The following MTUS2 variants were observed in gnomAD, a reference collection of about 807,000 sequenced individuals.
MTUS2 encodes microtubule associated scaffold protein 2.
MTUS2 carries 40 observed loss-of-function variants against 114.1 expected under a neutral mutation model. The observed-to-expected ratio is 0.35, with a 90% CI of 0.27 to 0.46. The LOEUF (loss-of-function observed/expected upper bound fraction) is 0.46. Ranked by LOEUF, MTUS2 falls within the 20% of genes least tolerant of loss-of-function variation. The pLI is 1.00. For synonymous variants in MTUS2, 688 were observed against 672.0 expected, an observed-to-expected ratio of 1.02 and a Z score of -0.37; for missense variants, 1,679 against 1,705.4, an observed-to-expected ratio of 0.98 and a Z score of 0.27.
intron 1 of MTUS2, among the ~76,000 whole-genome samples, chr13:28,824,967 A>G (rs149336270): frequency 1.9e-4 from 29 of 152,336 alleles, no homozygotes; most frequent in Middle Eastern, 6.8e-3. Context: ...GCAGAGCCCT[A>G]AAGGAGATGG....
intron 1 of MTUS2, among the ~76,000 whole-genome samples, chr13:28,830,911 T>A (rs1874626912): frequency 6.6e-6 from 1 of 152,198 alleles, no homozygotes; most frequent in South Asian, 2.1e-4. Flanking sequence ...TCAAGAATTC[T>A]ATATCCAGCA....
rs150428774 is a variant in MTUS2, at chr13:29,164,147, T to C, written c.2644+63177T>C. On this transcript the variant is annotated intron_variant, in intron 5 of 15. Coordinates refer to ENST00000612955, the MANE Select transcript of MTUS2 (RefSeq NM_001033602.4). ...CATAAAACCTACCCAAACCTGCTTA[T>C]GGGCAGTTAGGCTAGATGACTAGAA... 8.4e-4 allele frequency among the ~76,000 whole-genome samples: 128 copies of C among 152,298 alleles called. 1 individual carries two copies. The highest frequency in any genetic ancestry group is 3.0e-3 in the African/African-American group (125 of 41,566).
intron 5 of MTUS2, among the ~76,000 whole-genome samples, chr13:29,114,329 T>A (rs1245481980): frequency 6.6e-6 from 1 of 152,132 alleles, no homozygotes; most frequent in African/African-American, 2.4e-5. Context: ...GCTGTCTTTA[T>A]CCCCACTTGT....
At chr13:29,105,303 C>CT (rs998186692) in intron 5 of MTUS2, among the ~76,000 whole-genome samples, 6 of 152,224 alleles carry the variant, frequency 3.9e-5, no homozygotes, top group African/African-American at 1.2e-4. Flanking sequence ...AAGTCAAAAT[C>CT]TTTAGGAACA....
chr13:28,908,495 T>C lies in MTUS2; in HGVS notation c.-243+68645T>C, dbSNP rs572450750. ...CTCATCATTTTTTATGGCTGCATAG[T>C]ATTCCATGGTGTATATGTGCCACAT... On this transcript the variant is annotated intron_variant, in intron 2 of 15. Transcript: ENST00000612955. 3.8e-4 allele frequency among the ~76,000 whole-genome samples: 57 copies of C among 151,706 alleles called. 1 individual carries two copies. The highest frequency in any genetic ancestry group is 1.1e-3 in the African/African-American group (44 of 41,158).
intron 1 of MTUS2, among the ~76,000 whole-genome samples, chr13:28,825,045 G>A (rs958673146): frequency 8.5e-5 from 13 of 152,130 alleles, no homozygotes; most frequent in African/African-American, 1.4e-4. Flanking sequence ...GCTGCAGGCC[G>A]CAGTGGGGGA....
At chr13:29,209,425 A>G (rs1295772526) in intron 5 of MTUS2, among the ~76,000 whole-genome samples, 3 of 150,678 alleles carry the variant, frequency 2.0e-5, no homozygotes, top group Non-Finnish European at 4.4e-5. Context: ...TTTACATTCA[A>G]TGTCAGTGTT....
At chr13:29,040,401 C>A (rs1259941257) in intron 4 of MTUS2, among the ~76,000 whole-genome samples, 1 of 152,128 alleles carries the variant, frequency 6.6e-6, no homozygotes, top group Non-Finnish European at 1.5e-5. Context: ...CATATTTTTG[C>A]AATTGCGAAT....
intron 4 of MTUS2, among the ~76,000 whole-genome samples, chr13:29,049,250 T>C (rs1250915738): frequency 6.6e-6 from 1 of 152,244 alleles, no homozygotes; most frequent in African/African-American, 2.4e-5. Context: ...TCCTTTTGTT[T>C]GCTTGCTATT....
At chr13:28,982,629 C>T (rs1884410986) in intron 2 of MTUS2, among the ~76,000 whole-genome samples, 2 of 152,334 alleles carry the variant, frequency 1.3e-5, no homozygotes, top group South Asian at 4.1e-4. Context: ...TAACTGCCCA[C>T]TGACACTTGG....
chr13:29,116,263 A>G (rs893289024), intron 5 of MTUS2, among the ~76,000 whole-genome samples: 2 of 152,212 alleles, frequency 1.3e-5, no homozygotes, highest in Non-Finnish European at 2.9e-5. Flanking sequence ...TGTATTTACT[A>G]TGTATTATTT....
chr13:29,253,973 C>T (rs747469673), intron 5 of MTUS2, among the ~76,000 whole-genome samples: 1 of 152,156 alleles, frequency 6.6e-6, no homozygotes, highest in Non-Finnish European at 1.5e-5. Flanking sequence ...TCCCACAACA[C>T]GTGGGAATTC....
intron 8 of MTUS2, among the ~76,000 whole-genome samples, chr13:29,439,140 C>T (rs1877641309): frequency 6.6e-6 from 1 of 152,210 alleles, no homozygotes; most frequent in Admixed American, 6.5e-5. Context: ...CAGAGACTTT[C>T]TTTGAAGGCC....
chr13:29,188,698 A>G (rs1439076895), intron 5 of MTUS2, among the ~76,000 whole-genome samples: 2 of 152,116 alleles, frequency 1.3e-5, no homozygotes, highest in African/African-American at 4.8e-5. Flanking sequence ...AGTAACACTG[A>G]CATCACATAG....
intron 2 of MTUS2, among the ~76,000 whole-genome samples, chr13:28,877,737 GATATGTATATTTT>G: frequency 6.6e-6 from 1 of 152,118 alleles, no homozygotes; most frequent in Non-Finnish European, 1.5e-5. Flanking sequence ...AGTAATATGG[GATATGTATATTTT>G]ATCTCTTGAT....
In MTUS2 at chr13:29,434,377, C is replaced by T. The variant is rs78803916; in HGVS notation, c.3118-5606C>T. On this transcript the variant is annotated intron_variant, in intron 8 of 15. Coordinates refer to ENST00000612955, the MANE Select transcript of MTUS2 (RefSeq NM_001033602.4). ...TGCTGCTGCTCTCAGTTTAAATCTC[C>T]AAGACAGCCTTGCCCTGCTGGGTTA... Among the ~76,000 whole-genome samples, 576 of 152,260 alleles carry T rather than the reference C, an allele frequency of 3.8e-3. 6 individuals carry two copies. Among genetic ancestry groups the T allele is most frequent in the African/African-American group, 0.013 (556 of 41,538 alleles).
chr13:29,017,149 A>G (rs1205174336), intron 2 of MTUS2, among the ~76,000 whole-genome samples: 4 of 152,258 alleles, frequency 2.6e-5, no homozygotes, highest in East Asian at 1.9e-4. Context: ...GTGGCAAAAC[A>G]CTATAGGCAC....
chr13:29,048,390 C>T (rs1689758813), intron 4 of MTUS2, among the ~76,000 whole-genome samples: 1 of 152,072 alleles, frequency 6.6e-6, no homozygotes, highest in Non-Finnish European at 1.5e-5. Flanking sequence ...GTTGTATAAC[C>T]CTGCTTGTTT....
chr13:29,377,655 G>T (rs1465251500), intron 8 of MTUS2, among the ~76,000 whole-genome samples: 2 of 119,034 alleles, frequency 1.7e-5, no homozygotes, highest in African/African-American at 2.8e-5. Flanking sequence ...GGCATTACAT[G>T]CACATAATGA....
Sources: allele counts gnomAD v4.1 joint callset (sites outside exome capture counted in the v4.1 genomes callset), GRCh38; gene constraint gnomAD v4.1.1; transcripts MANE v1.5; gene names NCBI Gene and HGNC (gene_info 2026-07-23, HGNC 2026-07-21).